Variants in USP49 observed in about 807,000 individuals in gnomAD.
The protein encoded by USP49 is ubiquitin specific peptidase 49, also known as ubiquitin carboxyl-terminal hydrolase 49.
Under a neutral mutation model 58.6 loss-of-function variants are expected in USP49, and 24 were observed. The observed-to-expected ratio is 0.41, with a 90% CI of 0.30 to 0.58. The LOEUF is 0.58. Among genes scored for constraint, USP49 ranks in the 20% least tolerant of loss-of-function variants. USP49 has a pLI of 0.30. For missense variants in USP49, 703 were observed against 866.1 expected, an observed-to-expected ratio of 0.81 and a Z score of 2.36; for synonymous variants, 408 against 365.1, an observed-to-expected ratio of 1.12 and a Z score of -1.34.
chr6:41,802,407 T>TTTATTTTTTATTTTA (rs1313279388), intron 5 of USP49, among the ~76,000 whole-genome samples: 1 of 76,098 alleles, frequency 1.3e-5, no homozygotes, highest in Non-Finnish European at 2.8e-5. Context: ...TTTATTTTAT[T>TTTATTTTTTATTTTA]TTTTATTTTA....
intron 3 of USP49, among the ~76,000 whole-genome samples, chr6:41,830,281 G>GTT (rs1275902474): frequency 6.6e-6 from 1 of 152,060 alleles, no homozygotes; most frequent in Non-Finnish European, 1.5e-5. Context: ...AAACTTACCT[G>GTT]TAAACCTGTC....
chr6:41,888,879 G>A (rs1277781485), intron 2 of USP49, among the ~76,000 whole-genome samples: 2 of 152,126 alleles, frequency 1.3e-5, no homozygotes, highest in African/African-American at 4.8e-5. Flanking sequence ...ATTAAATGAT[G>A]GGAAGGGAGT....
intron 2 of USP49, 47 bp downstream of exon 2, chr6:41,891,747 T>A (rs184432276): frequency 6.6e-6 from 1 of 152,338 alleles, no homozygotes; most frequent in East Asian, 1.9e-4. Context: ...GGTTACCACA[T>A]TACTGCTGAA....
chr6:41,810,697 C>A (rs914524906), intron 3 of USP49, among the ~76,000 whole-genome samples: 1 of 151,010 alleles, frequency 6.6e-6, no homozygotes, highest in African/African-American at 2.4e-5. Context: ...CAGGCAAGGG[C>A]CACCACACCC....
chr6:41,837,573 C>A (rs1459906610), intron 3 of USP49, among the ~76,000 whole-genome samples: 1 of 152,112 alleles, frequency 6.6e-6, no homozygotes, highest in African/African-American at 2.4e-5. Flanking sequence ...ACCCCAAAAG[C>A]AATTGCAGCA....
At chr6:41,876,691 C>T (rs1774509777) in intron 2 of USP49, among the ~76,000 whole-genome samples, 2 of 152,132 alleles carry the variant, frequency 1.3e-5, no homozygotes, top group African/African-American at 4.8e-5. Context: ...AGATTACAGG[C>T]GTGAGCCACC....
intron 3 of USP49, among the ~76,000 whole-genome samples, chr6:41,831,076 G>C (rs1336441768): frequency 6.6e-6 from 1 of 152,090 alleles, no homozygotes; most frequent in African/African-American, 2.4e-5. Flanking sequence ...GGCTAACATG[G>C]TGAAACCCCG....
At chr6:41,825,726 T>C (rs1773526936) in intron 3 of USP49, among the ~76,000 whole-genome samples, 1 of 152,228 alleles carries the variant, frequency 6.6e-6, no homozygotes, top group Non-Finnish European at 1.5e-5. Context: ...TGTGTGAGCC[T>C]GATTTCTCAG....
At chr6:41,886,759 C>T (rs538313741) in intron 2 of USP49, among the ~76,000 whole-genome samples, 2 of 152,206 alleles carry the variant, frequency 1.3e-5, no homozygotes, top group African/African-American at 4.8e-5. Flanking sequence ...ATTAGTCGGG[C>T]GTGGTGGTGC....
At position 41,799,755 on chromosome 6, in the gene USP49, T is replaced by G. The variant is rs926314004; in HGVS notation, c.1670+75A>C. Reference sequence around the variant, plus strand: ...TCCCCTCCCAACACCATAGAAGACATTTGCCCTCACCAAAGCCTTTGGAGC... The same window carrying G: ...TCCCCTCCCAACACCATAGAAGACAGTTGCCCTCACCAAAGCCTTTGGAGC... On this transcript the variant is annotated intron_variant, in intron 6 of 7. Transcript: ENST00000682992. The G allele has an allele frequency of 1.1e-5, 15 of 1,309,536 alleles. No homozygotes were observed. The African/African-American group carries it at 2.0e-4, about 18-fold the overall frequency. The allele number at this position is 1,309,536 out of a possible 1,614,324, so 81.1% of individuals were successfully genotyped here. A position where few individuals can be genotyped will look rare whatever the true frequency, so the allele number is the denominator to read the frequency against.
At chr6:41,892,830 T>G (rs1302372519) in intron 1 of USP49, among the ~76,000 whole-genome samples, 2 of 152,212 alleles carry the variant, frequency 1.3e-5, no homozygotes, top group Non-Finnish European at 2.9e-5. Context: ...ATTGTTTGAA[T>G]TTTTCCCTAA....
At chr6:41,827,675 C>CAAAAA (rs373056101) in intron 3 of USP49, among the ~76,000 whole-genome samples, 17 of 92,302 alleles carry the variant, frequency 1.8e-4, no homozygotes, top group African/African-American at 6.8e-4. Flanking sequence ...ACTCTGTCTC[C>CAAAAA]AAAAAAAAAA....
At chr6:41,817,036 C>T (rs1206575142) in intron 3 of USP49, among the ~76,000 whole-genome samples, 2 of 150,758 alleles carry the variant, frequency 1.3e-5, no homozygotes, top group Admixed American at 6.6e-5. Context: ...GACAGAATCT[C>T]GCTATACTGC....
chr6:41,805,431 G>A (rs1007371991), intron 4 of USP49, among the ~76,000 whole-genome samples, 197 bp downstream of exon 4: 3 of 152,100 alleles, frequency 2.0e-5, no homozygotes, highest in South Asian at 2.1e-4. Flanking sequence ...AAATCTGGCC[G>A]GAAAGACACT....
At chr6:41,839,846 G>T (rs1417254062) in intron 3 of USP49, among the ~76,000 whole-genome samples, 1 of 150,260 alleles carries the variant, frequency 6.7e-6, no homozygotes, top group Admixed American at 6.7e-5. Context: ...GGGGGTTAGG[G>T]TGGGAGGGGG....
intron 7 of USP49, 108 bp downstream of exon 7, chr6:41,798,616 A>C: frequency 6.3e-7 from 1 of 1,595,374 alleles, no homozygotes; most frequent in Non-Finnish European, 8.6e-7. Flanking sequence ...TGATGTATGT[A>C]ATTTCCCTCT....
At chr6:41,819,679 C>A (rs1773420408) in intron 3 of USP49, among the ~76,000 whole-genome samples, 1 of 152,046 alleles carries the variant, frequency 6.6e-6, no homozygotes, top group African/African-American at 2.4e-5. Flanking sequence ...TGAAAACTGA[C>A]AGGAAATGTT....
intron 3 of USP49, among the ~76,000 whole-genome samples, chr6:41,848,850 C>T (rs1283050882): frequency 2.7e-5 from 4 of 148,712 alleles, no homozygotes; most frequent in African/African-American, 7.5e-5. Flanking sequence ...AGTGAGACAC[C>T]GTCTAAAAAA....
chr6:41,836,193 G>A (rs371865158), intron 3 of USP49, among the ~76,000 whole-genome samples: 1 of 152,070 alleles, frequency 6.6e-6, no homozygotes. Context: ...AGAACACTAG[G>A]TCTTTCTTCA....
Sources: allele counts gnomAD v4.1 joint callset (sites outside exome capture counted in the v4.1 genomes callset), GRCh38; gene constraint gnomAD v4.1.1; transcripts MANE v1.5; gene names NCBI Gene and HGNC (gene_info 2026-07-23, HGNC 2026-07-21).